The following NDUFA5 variants were observed in gnomAD, a reference collection of about 807,000 sequenced individuals.
NDUFA5 encodes the protein NADH dehydrogenase [ubiquinone] 1 alpha subcomplex subunit 5.
A neutral mutation model predicts 19.8 loss-of-function variants in NDUFA5; 11 were observed. The ratio of observed to expected loss-of-function variants is 0.56; its 90% CI spans 0.35 to 0.92. The LOEUF (loss-of-function observed/expected upper bound fraction) is 0.92, where lower values mean the gene tolerates loss of function less well. Ranked by LOEUF, NDUFA5 falls within the 40% of genes least tolerant of loss-of-function variation. The pLI is 0.01. For missense variants in NDUFA5, 109 were observed against 134.2 expected, an observed-to-expected ratio of 0.81 and a Z score of 0.93; for synonymous variants, 47 against 46.8, an observed-to-expected ratio of 1.00 and a Z score of -0.01.
chr7:123,575,468 A>G, the NDUFA5 span, among the ~76,000 whole-genome samples: 1 of 152,116 alleles, frequency 6.6e-6, no homozygotes, highest in South Asian at 2.1e-4. Context: ...ACAATTAAAG[A>G]AAACAACTTT....
At chr7:123,550,413 A>T in intron 3 of NDUFA5, 57 bp downstream of exon 3, 1 of 515,048 alleles carries the variant, frequency 1.9e-6, no homozygotes, top group Non-Finnish European at 3.3e-6. Flanking sequence ...AAAATAAGGA[A>T]CTAAACTTTT....
At chr7:123,582,099 G>A in the NDUFA5 span, among the ~76,000 whole-genome samples, 1 of 151,890 alleles carries the variant, frequency 6.6e-6, no homozygotes, top group Non-Finnish European at 1.5e-5. Context: ...ACAAGGAAAG[G>A]GAGGAGAAAT....
chr7:123,566,940 T>C, the NDUFA5 span: 1 of 152,194 alleles, frequency 6.6e-6, no homozygotes. Context: ...AGAATTTTTA[T>C]CATTGTAGGA....
the NDUFA5 span, among the ~76,000 whole-genome samples, chr7:123,594,367 T>TTTTGGAA: frequency 6.6e-6 from 1 of 152,126 alleles, no homozygotes; most frequent in African/African-American, 2.4e-5. Flanking sequence ...GCATTCTGCT[T>TTTTGGAA]TTTGGAATTT....
the NDUFA5 span, among the ~76,000 whole-genome samples, chr7:123,584,580 A>G: frequency 2.5e-3 from 385 of 152,082 alleles, 2 homozygotes; most frequent in Non-Finnish European, 2.9e-3. Context: ...AAGGTTTTCA[A>G]CCACTCAACA....
chr7:123,586,915 G>A, the NDUFA5 span, among the ~76,000 whole-genome samples: 1 of 151,478 alleles, frequency 6.6e-6, no homozygotes, highest in African/African-American at 2.4e-5. Context: ...CTGTTTTTAT[G>A]AAAGTACTAT....
chr7:123,582,324 G>A, the NDUFA5 span, among the ~76,000 whole-genome samples: 53 of 152,014 alleles, frequency 3.5e-4, no homozygotes, highest in East Asian at 8.1e-3. Flanking sequence ...GCTTCAGAAT[G>A]TTAAGACTCC....
upstream of NDUFA5, among the ~76,000 whole-genome samples, chr7:123,561,629 T>C (rs1343194808): frequency 6.6e-6 from 1 of 151,740 alleles, no homozygotes; most frequent in Non-Finnish European, 1.5e-5. Flanking sequence ...TGAGACAGAG[T>C]CTCTATTGCC....
At chr7:123,562,369 G>A (rs1798700578), upstream of NDUFA5, among the ~76,000 whole-genome samples, 1 of 152,148 alleles carries the variant, frequency 6.6e-6, no homozygotes, top group Non-Finnish European at 1.5e-5. Context: ...TTTGAAGCCA[G>A]GTGTTGACTT....
rs1193346507 is a variant in NDUFA5 at position 123,541,329 on chromosome 7, A to G, written c.*790T>C. The G allele has an allele frequency of 6.6e-6, 1 of 152,246 alleles. No individual in the cohort carries two copies. The highest frequency in any genetic ancestry group is 2.4e-5 in the African/African-American group (1 of 41,470). 9.4% of individuals were successfully genotyped at this position (152,246 alleles called of 1,614,324 possible). On this transcript the variant is annotated 3_prime_UTR_variant, in exon 5 of 5. Coordinates refer to ENST00000355749, the MANE Select transcript of NDUFA5 (RefSeq NM_005000.5). ...AAGAAAATTAAAGGCCACGGGCCAG[A>G]AAACTAACTTCCACAAATGCAACAA...
At chr7:123,556,887 C>T (rs1798571453) in intron 2 of NDUFA5, 1 of 513,930 alleles carries the variant, frequency 1.9e-6, no homozygotes, top group Non-Finnish European at 3.9e-6. Flanking sequence ...ATAGAGATAA[C>T]TCTTTTGAGT....
At chr7:123,600,177 T>G in the NDUFA5 span, among the ~76,000 whole-genome samples, 1 of 152,122 alleles carries the variant, frequency 6.6e-6, no homozygotes, top group South Asian at 2.1e-4. Flanking sequence ...ATCTCAAAAA[T>G]GTAAATAATG....
chr7:123,599,111 G>C, the NDUFA5 span, among the ~76,000 whole-genome samples: 1 of 151,886 alleles, frequency 6.6e-6, no homozygotes, highest in Admixed American at 6.6e-5. Flanking sequence ...CCAAAATAAT[G>C]GTCAAGTACA....
rs1797790723 is a variant in NDUFA5, at chr7:123,537,617, T to TATATTC, written c.*4496_*4501dup. On this transcript the variant is annotated 3_prime_UTR_variant, in exon 5 of 5. Coordinates refer to ENST00000355749, the MANE Select transcript of NDUFA5 (RefSeq NM_005000.5). ...ATATATTGATACATCTGTGGCAAAATATATTCATATTCACATTGAAGTGCG... is the reference window on the plus strand; with the variant it reads ...ATATATTGATACATCTGTGGCAAAATATATTCATATTCATATTCACATTGAAGTGCG... The TATATTC allele has an allele frequency of 6.6e-6, 1 of 152,174 alleles. No individual in the cohort carries two copies. The highest frequency in any genetic ancestry group is 6.5e-5 in the Admixed American group (1 of 15,282). The allele number at this position is 152,174 out of a possible 1,614,324, so 9.4% of individuals were successfully genotyped here.
the NDUFA5 span, among the ~76,000 whole-genome samples, chr7:123,588,948 A>T: frequency 6.6e-6 from 1 of 151,766 alleles, no homozygotes; most frequent in African/African-American, 2.4e-5. Context: ...TATGAATTCA[A>T]TCTAGTTAAA....
At chr7:123,553,995 T>C (rs1798449107) in intron 2 of NDUFA5, among the ~76,000 whole-genome samples, 1 of 152,158 alleles carries the variant, frequency 6.6e-6, no homozygotes, top group African/African-American at 2.4e-5. Flanking sequence ...ACAGAATACA[T>C]AGAACTGAAT....
intron 1 of NDUFA5, 117 bp from the exon 2 acceptor site, chr7:123,557,565 G>GGTCTAAA: frequency 1.2e-6 from 2 of 1,611,860 alleles, no homozygotes; most frequent in Non-Finnish European, 1.7e-6. Flanking sequence ...GCCAGCTACT[G>GGTCTAAA]GTCTCTCAGT....
At chr7:123,588,088 G>A in the NDUFA5 span, among the ~76,000 whole-genome samples, 1 of 151,876 alleles carries the variant, frequency 6.6e-6, no homozygotes, top group Admixed American at 6.6e-5. Flanking sequence ...TCAACTTTTT[G>A]CAAGAGTTTG....
rs1798063859 is a variant in NDUFA5, at chr7:123,544,692, A to G, written c.249+919T>C. On this transcript the variant is annotated intron_variant, in intron 4 of 4. Transcript: ENST00000355749. Reference sequence around the variant, plus strand: ...GACCCAGTAAAAATATTAATGACATAATTTATAAAATATAAGAACATATTT... The same window carrying G: ...GACCCAGTAAAAATATTAATGACATGATTTATAAAATATAAGAACATATTT... Among the ~76,000 whole-genome samples the G allele has an allele frequency of 1.3e-5, 2 of 148,550 alleles. 1 individual carries two copies. The highest frequency in any genetic ancestry group is 4.2e-4 in the South Asian group (2 of 4,708).
Sources: allele counts gnomAD v4.1 joint callset (sites outside exome capture counted in the v4.1 genomes callset), GRCh38; gene constraint gnomAD v4.1.1; transcripts MANE v1.5; gene names NCBI Gene and HGNC (gene_info 2026-07-23, HGNC 2026-07-21).